The following PTPRA variants were observed in gnomAD, a reference collection of about 807,000 sequenced individuals.
PTPRA encodes the protein receptor-type tyrosine-protein phosphatase alpha.
A neutral mutation model predicts 104.8 loss-of-function variants in PTPRA; 25 were observed. The ratio of observed to expected loss-of-function variants is 0.24; its 90% CI spans 0.17 to 0.33. The LOEUF (loss-of-function observed/expected upper bound fraction) is 0.33. PTPRA is among the 10% of genes least tolerant of loss of function. The pLI, the probability that PTPRA is intolerant of heterozygous loss-of-function variation, is 1.00. For synonymous variants in PTPRA, 323 were observed against 368.9 expected, an observed-to-expected ratio of 0.88 and a Z score of 1.43; for missense variants, 765 against 1,015.3, an observed-to-expected ratio of 0.75 and a Z score of 3.35.
At chr20:3,024,412 G>T (rs1296757822) in intron 16 of PTPRA, 60 bp from the exon 17 acceptor site, 2 of 1,520,112 alleles carry the variant, frequency 1.3e-6, no homozygotes, top group African/African-American at 1.4e-5. Context: ...GGGAACAGGT[G>T]ATCTGGCATG....
upstream of PTPRA, among the ~76,000 whole-genome samples, chr20:2,869,538 C>T (rs1371335743): frequency 2.0e-5 from 3 of 152,212 alleles, no homozygotes; most frequent in Non-Finnish European, 4.4e-5. Context: ...AGGCCTATGC[C>T]TACATGGGTG....
Position 3,035,895 on chromosome 20 carries a change from AAGC to A in PTPRA, c.2164_2166del (p.Gln722del), listed in dbSNP as rs1223812370. The A allele has an allele frequency of 6.2e-7, 1 of 1,614,034 alleles. No individual in the cohort carries two copies. The highest frequency in any genetic ancestry group is 8.5e-7 in the Non-Finnish European group (1 of 1,180,034). ...GATCAGCATCATCGCCGCCGTGCAG[AAGC>A]AGCAGCAGCAGTCAGGGAACCACCC... On this transcript the variant is annotated inframe_deletion, in exon 22 of 24. Transcript: ENST00000399903. This position sits in a 1 kb window ranked among gnomAD's most constrained non-coding sequence, Gnocchi z 5.8.
the PTPRA span, chr20:2,864,518 G>C: frequency 6.2e-7 from 1 of 1,614,136 alleles, no homozygotes; most frequent in Non-Finnish European, 8.5e-7. The surrounding 1 kb of genome is among the most constrained non-coding windows in gnomAD (Gnocchi z 5.2). Flanking sequence ...AGTTGGCCTT[G>C]CTGACTGATT....
intron 5 of PTPRA, among the ~76,000 whole-genome samples, chr20:2,973,727 TC>T (rs1394147933): frequency 6.6e-6 from 1 of 152,142 alleles, no homozygotes; most frequent in East Asian, 1.9e-4. Context: ...TTAGCTCACA[TC>T]CCGTTGGCTA....
rs1252478353 is a variant in PTPRA at position 3,029,564 on chromosome 20, G to A, written c.1920+1723G>A. The stretch of plus-strand genomic sequence containing the variant: ...TCTTTTTTTTTTTTTTTTTTGAGAC[G>A]GAGTCTCTGTCACCCAGGCTGGAGT... On this transcript the variant is annotated intron_variant, in intron 20 of 23. Transcript: ENST00000399903. 4.5e-4 allele frequency among the ~76,000 whole-genome samples: 10 copies of A among 22,160 alleles called. No individual in the cohort carries two copies. In the African/African-American group the frequency reaches 5.8e-3, roughly 13 times the overall value. The allele number at this position is 22,160 out of a possible 152,430, so 14.5% of individuals were successfully genotyped here.
At chr20:2,961,523 C>G (rs896443676) in intron 3 of PTPRA, among the ~76,000 whole-genome samples, 1 of 152,134 alleles carries the variant, frequency 6.6e-6, no homozygotes, top group Admixed American at 6.5e-5. Flanking sequence ...TGTCCTTTGT[C>G]AGATCTATCT....
At chr20:2,921,417 G>A (rs1360341532) in intron 1 of PTPRA, among the ~76,000 whole-genome samples, 3 of 144,574 alleles carry the variant, frequency 2.1e-5, no homozygotes, top group Non-Finnish European at 4.5e-5. Flanking sequence ...AATTTAGCCT[G>A]CCATTAGAAC....
At chr20:2,947,445 G>T (rs2061176867) in intron 2 of PTPRA, among the ~76,000 whole-genome samples, 1 of 152,168 alleles carries the variant, frequency 6.6e-6, no homozygotes, top group Admixed American at 6.5e-5. Flanking sequence ...TTTCTAGAGA[G>T]AGACTAATCT....
At chr20:2,990,498 G>T (rs1265195008) in intron 9 of PTPRA, among the ~76,000 whole-genome samples, 1 of 152,142 alleles carries the variant, frequency 6.6e-6, no homozygotes, top group Non-Finnish European at 1.5e-5. Context: ...CAGGCAGATT[G>T]CCTTGATCAC....
intron 17 of PTPRA, among the ~76,000 whole-genome samples, chr20:3,026,355 T>C (rs2065146166): frequency 1.3e-5 from 2 of 152,154 alleles, no homozygotes; most frequent in African/African-American, 4.8e-5. Context: ...TCTGAATAAG[T>C]TTTTTTGAAG....
intron 20 of PTPRA, among the ~76,000 whole-genome samples, chr20:3,033,958 G>A (rs755577216): frequency 2.9e-4 from 43 of 148,486 alleles, no homozygotes; most frequent in Non-Finnish European, 4.4e-4. Context: ...GAGAAAATCC[G>A]CCCATGTATA....
chr20:2,988,618 C>A, intron 9 of PTPRA, 144 bp downstream of exon 9: 1 of 1,221,228 alleles, frequency 8.2e-7, no homozygotes. Context: ...TTATCTGACT[C>A]CCTGTATGAT....
intron 2 of PTPRA, among the ~76,000 whole-genome samples, chr20:2,945,832 G>A (rs112223253): frequency 9.3e-4 from 141 of 151,848 alleles, no homozygotes; most frequent in African/African-American, 2.9e-3. Flanking sequence ...GAGAGGCTGC[G>A]GCATGACAGT....
intron 1 of PTPRA, among the ~76,000 whole-genome samples, chr20:2,876,272 T>C (rs2089712076): frequency 6.6e-6 from 1 of 152,184 alleles, no homozygotes; most frequent in African/African-American, 2.4e-5. Flanking sequence ...TCAAAAGTTC[T>C]AGCAATACAA....
At chr20:3,007,445 C>T (rs772055989) in intron 11 of PTPRA, 25 bp downstream of exon 11, 4 of 1,597,192 alleles carry the variant, frequency 2.5e-6, no homozygotes, top group Non-Finnish European at 3.4e-6. Context: ...CTTTCCCTGT[C>T]ACTTCCCTGC....
intron 2 of PTPRA, among the ~76,000 whole-genome samples, chr20:2,928,411 G>A (rs1408645442): frequency 6.6e-6 from 1 of 151,956 alleles, no homozygotes; most frequent in African/African-American, 2.4e-5. Context: ...CCCAGCCTCT[G>A]GTGTCTGTTT....
At chr20:3,030,737 G>A (rs1600284963) in intron 20 of PTPRA, among the ~76,000 whole-genome samples, 1 of 125,638 alleles carries the variant, frequency 8.0e-6, no homozygotes, top group Middle Eastern at 5.6e-3. Context: ...CCAGACTGGA[G>A]TGCAGTGGCA....
chr20:2,890,424 C>T (rs1284180201), intron 1 of PTPRA, among the ~76,000 whole-genome samples: 1 of 152,156 alleles, frequency 6.6e-6, no homozygotes, highest in Non-Finnish European at 1.5e-5. Context: ...AGCTGTAGTA[C>T]TCTATGTATT....
intron 1 of PTPRA, among the ~76,000 whole-genome samples, chr20:2,896,453 G>T (rs1190194628): frequency 6.6e-6 from 1 of 152,144 alleles, no homozygotes; most frequent in Non-Finnish European, 1.5e-5. Flanking sequence ...CAGTCCTTTG[G>T]AAATTGTTGG....
Sources: allele counts gnomAD v4.1 joint callset (sites outside exome capture counted in the v4.1 genomes callset), GRCh38; gene constraint gnomAD v4.1.1; non-coding constraint Gnocchi (gnomAD v3.1); transcripts MANE v1.5; gene names NCBI Gene and HGNC (gene_info 2026-07-23, HGNC 2026-07-21).